SUCLA2: variants seen among roughly 807,000 people sequenced by gnomAD.
The protein encoded by SUCLA2 is succinate-CoA ligase ADP-forming subunit beta.
A neutral mutation model predicts 54.8 loss-of-function variants in SUCLA2; 30 were observed. The observed-to-expected ratio is 0.55, with a 90% CI of 0.41 to 0.74. SUCLA2 has a LOEUF of 0.74. SUCLA2 is among the 30% of genes least tolerant of loss of function. SUCLA2 has a pLI of 0.00. For synonymous variants in SUCLA2, 172 were observed against 188.9 expected, an observed-to-expected ratio of 0.91 and a Z score of 0.74; for missense variants, 476 against 562.9, an observed-to-expected ratio of 0.85 and a Z score of 1.56.
In SUCLA2 at chr13:47,968,649, A is replaced by G; in HGVS notation, c.748T>C (p.Tyr250His). 6.2e-7 allele frequency: 1 copy of G among 1,611,854 alleles called. No homozygotes were observed. The highest frequency in any genetic ancestry group is 8.5e-7 in the Non-Finnish European group (1 of 1,179,786). ...MVKLYSLFLK[Y>H]DATMIEINPM... ...TTTATTTCTATCATGGTTGCATCGT[A>G]TTTCAGAAAAAGGCTGTAAAGCTTG... Residue 250 changes from tyrosine to histidine, a missense_variant, in exon 6 of 11, where the codon TAC (tyrosine) becomes CAC (histidine). By Grantham distance (83) the Tyr-to-His change is moderately conservative. This residue lies in a region of SUCLA2 where 342 missense variants were observed against 444.2 expected (regional missense o/e 0.77). Coordinates refer to ENST00000646932, the MANE Select transcript of SUCLA2 (RefSeq NM_003850.3).
At chr13:47,980,676 A>C (rs181932531) in intron 4 of SUCLA2, among the ~76,000 whole-genome samples, 2 of 152,170 alleles carry the variant, frequency 1.3e-5, no homozygotes, top group Middle Eastern at 3.4e-3. Context: ...GAGGCCTCAC[A>C]CTTCTTTTAA....
intron 4 of SUCLA2, among the ~76,000 whole-genome samples, chr13:47,980,716 C>T (rs1950054638): frequency 1.3e-5 from 2 of 151,778 alleles, no homozygotes; most frequent in Non-Finnish European, 2.9e-5. Context: ...GTTATCAAAA[C>T]AGCATGATAA....
chr13:47,943,715 A>G (rs1219479297), intron 10 of SUCLA2, among the ~76,000 whole-genome samples: 1 of 149,266 alleles, frequency 6.7e-6, no homozygotes, highest in African/African-American at 2.5e-5. Flanking sequence ...ATAAGATTAT[A>G]TATGTGTGTA....
At chr13:47,955,417 G>A (rs1949812566) in intron 6 of SUCLA2, among the ~76,000 whole-genome samples, 1 of 152,062 alleles carries the variant, frequency 6.6e-6, no homozygotes, top group Non-Finnish European at 1.5e-5. Context: ...GGCCAGGCTG[G>A]TCTCGAATTG....
At chr13:47,956,662 A>G (rs1949824048) in intron 6 of SUCLA2, among the ~76,000 whole-genome samples, 1 of 152,200 alleles carries the variant, frequency 6.6e-6, no homozygotes, top group South Asian at 2.1e-4. Context: ...AAAGTAGTAA[A>G]TGTCAAGAAG....
chr13:47,966,062 T>A (rs1949915954), intron 6 of SUCLA2, among the ~76,000 whole-genome samples: 1 of 152,082 alleles, frequency 6.6e-6, no homozygotes, highest in Non-Finnish European at 1.5e-5. Context: ...AAGAAAAGAA[T>A]ATTCTTGTTT....
chr13:47,998,939 G>C (rs1251491480), intron 1 of SUCLA2, among the ~76,000 whole-genome samples: 1 of 152,162 alleles, frequency 6.6e-6, no homozygotes, highest in Admixed American at 6.5e-5. Flanking sequence ...GGAGTAACTA[G>C]CATAAGCCTG....
At chr13:48,000,977 A>C (rs1794254446) in intron 1 of SUCLA2, 1 of 1,419,820 alleles carries the variant, frequency 7.0e-7, no homozygotes, top group East Asian at 2.6e-5. Flanking sequence ...TCGCGGACTA[A>C]GGGCTGGGTC....
intron 4 of SUCLA2, among the ~76,000 whole-genome samples, chr13:47,984,131 C>G (rs1370838598): frequency 6.6e-6 from 1 of 151,868 alleles, no homozygotes; most frequent in African/African-American, 2.4e-5. Flanking sequence ...AATAAACTTT[C>G]AAAACAATTT....
chr13:47,958,723 A>G (rs1949841864), intron 6 of SUCLA2, among the ~76,000 whole-genome samples: 1 of 152,206 alleles, frequency 6.6e-6, no homozygotes, highest in African/African-American at 2.4e-5. Flanking sequence ...TTTAATGAAA[A>G]TAGTTATTGG....
intron 2 of SUCLA2, chr13:47,994,809 A>G: frequency 1.0e-6 from 1 of 985,146 alleles, no homozygotes; most frequent in Non-Finnish European, 1.2e-6. Context: ...CCTGCTTCTT[A>G]TTACTTGTGA....
intron 6 of SUCLA2, among the ~76,000 whole-genome samples, chr13:47,959,519 G>A (rs913859216): frequency 3.4e-5 from 5 of 148,346 alleles, no homozygotes; most frequent in Non-Finnish European, 6.0e-5. Flanking sequence ...AGGAGGAGGA[G>A]GAGGAGGAGG....
At chr13:47,979,835 T>A (rs2137730836) in intron 4 of SUCLA2, among the ~76,000 whole-genome samples, 1 of 152,250 alleles carries the variant, frequency 6.6e-6, no homozygotes, top group Admixed American at 6.5e-5. Flanking sequence ...AAGGTAAAAT[T>A]CTGTGTTTGC....
intron 8 of SUCLA2, 103 bp from the exon 9 acceptor site, chr13:47,949,706 A>G: frequency 7.9e-7 from 1 of 1,263,568 alleles, no homozygotes; most frequent in Non-Finnish European, 1.1e-6. Flanking sequence ...TTAACTTGAT[A>G]GAAAGATTTT....
chr13:47,950,294 A>T (rs1782641204), intron 8 of SUCLA2, among the ~76,000 whole-genome samples: 1 of 152,166 alleles, frequency 6.6e-6, no homozygotes, highest in Non-Finnish European at 1.5e-5. Flanking sequence ...TAATTTCTGG[A>T]GGGCTAGTGT....
At chr13:47,979,058 C>G (rs1297389751) in intron 4 of SUCLA2, among the ~76,000 whole-genome samples, 2 of 152,222 alleles carry the variant, frequency 1.3e-5, no homozygotes, top group Non-Finnish European at 2.9e-5. Context: ...CACTTTTACA[C>G]TTTTGGTGGG....
chr13:47,955,175 T>C (rs1949810273), intron 6 of SUCLA2, among the ~76,000 whole-genome samples: 1 of 152,266 alleles, frequency 6.6e-6, no homozygotes, highest in East Asian at 1.9e-4. Context: ...GTGAGCAAAC[T>C]ATGGCCAGAT....
intron 2 of SUCLA2, among the ~76,000 whole-genome samples, chr13:47,994,058 C>CA (rs59292218): frequency 0.67 from 87,411 of 130,940 alleles, 28,322 homozygotes; most frequent in East Asian, 0.8. Context: ...AACTCCGTCT[C>CA]AAAAAAAAAA....
chr13:47,970,393 A>G (rs1376420825), intron 5 of SUCLA2, among the ~76,000 whole-genome samples: 2 of 152,170 alleles, frequency 1.3e-5, no homozygotes, highest in Admixed American at 6.6e-5. Flanking sequence ...GTATTCTTGT[A>G]AATCAAGTAT....
Sources: allele counts gnomAD v4.1 joint callset (sites outside exome capture counted in the v4.1 genomes callset), GRCh38; gene constraint gnomAD v4.1.1; regional missense constraint gnomAD v4.1.1; transcripts MANE v1.5; gene names NCBI Gene and HGNC (gene_info 2026-07-23, HGNC 2026-07-21).